ZNF43: variants seen among roughly 807,000 people sequenced by gnomAD.
The protein encoded by ZNF43 is zinc finger protein 39-like 1 (KOX 27).
Under a neutral mutation model 68.4 loss-of-function variants are expected in ZNF43, and 44 were observed. That is an observed-to-expected ratio of 0.64 (90% CI 0.51 to 0.83). ZNF43 has a LOEUF of 0.83. ZNF43 is among the 40% of genes least tolerant of loss of function. The pLI is 0.00. For synonymous variants in ZNF43, 308 were observed against 307.8 expected (o/e 1.00, Z -0.01); for missense variants, 896 against 933.2 (o/e 0.96, Z 0.52).
chr19:21,851,963 G>C, exon 1 of ZNF43: 1 of 1,551,542 alleles, frequency 6.4e-7, no homozygotes, highest in Non-Finnish European at 8.7e-7. Context: ...AGGACTTGCA[G>C]ATCACAGGGT....
At chr19:21,847,278 T>C (rs1318198527) in intron 1 of ZNF43, among the ~76,000 whole-genome samples, 1 of 152,120 alleles carries the variant, frequency 6.6e-6, no homozygotes, top group Non-Finnish European at 1.5e-5. Context: ...GTAGGAGACT[T>C]CCGACCTTTA....
chr19:21,808,768 C>G lies in ZNF43; in HGVS notation c.1269G>C (p.Glu423Asp). ...LTEHKLTHTGEKPYKCEECGK... is the reference protein window; with the variant it reads ...LTEHKLTHTGDKPYKCEECGK... Reference sequence around the variant, plus strand: ...CACATTCTTCACATTTGTAGGGTTTCTCTCCAGTATGAGTTAACTTATGTT... The same window carrying G: ...CACATTCTTCACATTTGTAGGGTTTGTCTCCAGTATGAGTTAACTTATGTT... The change falls in exon 4 of 4, where the codon GAG (glutamate) becomes GAC (aspartate). Residue 423 changes from glutamate to aspartate, a missense_variant. By Grantham distance (45) the Glu-to-Asp change is conservative. Coordinates refer to ENST00000354959, the MANE Select transcript of ZNF43 (RefSeq NM_003423.4). 1.2e-6 allele frequency: 2 copies of G among 1,611,616 alleles called. No individual in the cohort carries two copies. The highest frequency in any genetic ancestry group is 1.7e-6 in the Non-Finnish European group (2 of 1,179,572).
chr19:21,818,908 A>G (rs1040547806), intron 2 of ZNF43, among the ~76,000 whole-genome samples, 187 bp downstream of exon 2: 5 of 152,144 alleles, frequency 3.3e-5, no homozygotes, highest in African/African-American at 9.7e-5. Flanking sequence ...AGAAATGTGG[A>G]AAGTTCAGGT....
intron 1 of ZNF43, among the ~76,000 whole-genome samples, chr19:21,833,334 T>A (rs539493294): frequency 1.3e-5 from 2 of 152,270 alleles, no homozygotes; most frequent in East Asian, 3.9e-4. Context: ...TGGCGCGACC[T>A]CAGCTCACTG....
At chr19:21,819,432 T>A (rs79720979) in intron 1 of ZNF43, among the ~76,000 whole-genome samples, 13,269 of 152,238 alleles carry the variant, frequency 0.087, 645 homozygotes, top group Middle Eastern at 0.15. Context: ...TGATGTAAGA[T>A]CCACAACATC....
chr19:21,846,458 G>A (rs748852958), intron 1 of ZNF43, among the ~76,000 whole-genome samples: 1 of 152,114 alleles, frequency 6.6e-6, no homozygotes, highest in Non-Finnish European at 1.5e-5. Flanking sequence ...CTGACCTATG[G>A]ACAAAGCCCA....
Position 21,806,012 on chromosome 19 carries a change from T to G in ZNF43, c.*1595A>C, listed in dbSNP as rs1444331522. ...TACATTTAATTACATAAAATTACAA[T>G]AAGTAAAATGACTTACTAATTTAAC... On this transcript the variant is annotated 3_prime_UTR_variant, in exon 4 of 4. Coordinates refer to ENST00000354959, the MANE Select transcript of ZNF43 (RefSeq NM_003423.4). 1.3e-5 allele frequency: 2 copies of G among 152,118 alleles called. No homozygotes were observed. Among genetic ancestry groups the G allele is most frequent in the Admixed American group, 6.6e-5 (1 of 15,254 alleles). 9.4% of individuals were successfully genotyped at this position (152,118 alleles called of 1,614,324 possible). A position where few individuals can be genotyped will look rare whatever the true frequency, so the allele number is the denominator to read the frequency against.
chr19:21,847,687 A>G (rs965719004), intron 1 of ZNF43, among the ~76,000 whole-genome samples: 1 of 133,860 alleles, frequency 7.5e-6, no homozygotes, highest in African/African-American at 3.3e-5. Flanking sequence ...ACAGAGTGAG[A>G]CTCCGTCTCC....
At chr19:21,819,043 A>C in intron 2 of ZNF43, 52 bp downstream of exon 2, 1 of 1,567,372 alleles carries the variant, frequency 6.4e-7, no homozygotes, top group South Asian at 1.2e-5. Flanking sequence ...ACAGAAAACA[A>C]AAATGAAATC....
At chr19:21,843,828 C>G (rs574780493) in intron 1 of ZNF43, among the ~76,000 whole-genome samples, 12 of 152,202 alleles carry the variant, frequency 7.9e-5, no homozygotes, top group African/African-American at 2.9e-4. Flanking sequence ...TGAATCTTGA[C>G]CTGAGAGTCA....
At chr19:21,840,532 C>T (rs1383241995), upstream of ZNF43, 1 of 152,208 alleles carries the variant, frequency 6.6e-6, no homozygotes, top group African/African-American at 2.4e-5. Context: ...CACAGCCTCA[C>T]AGGTATGCTG....
upstream of ZNF43, chr19:21,838,777 G>A (rs1238608294): frequency 6.6e-6 from 1 of 152,052 alleles, no homozygotes; most frequent in African/African-American, 2.4e-5. Flanking sequence ...TAATGTTGGA[G>A]GCATTCAAAC....
intron 1 of ZNF43, among the ~76,000 whole-genome samples, chr19:21,849,752 A>T (rs1246649847): frequency 6.6e-6 from 1 of 152,154 alleles, no homozygotes; most frequent in Non-Finnish European, 1.5e-5. Flanking sequence ...CAAAAAAAAA[A>T]AAGTAATTCT....
chr19:21,817,375 AG>A (rs2037579699), intron 3 of ZNF43, among the ~76,000 whole-genome samples: 1 of 152,226 alleles, frequency 6.6e-6, no homozygotes, highest in Non-Finnish European at 1.5e-5. Flanking sequence ...AGCAATCTTG[AG>A]GAAAAAGAAC....
chr19:21,809,414 C>T lies in ZNF43; in HGVS notation c.623G>A (p.Gly208Glu). The change falls in exon 4 of 4, where the codon GGA becomes GAA. Residue 208 changes from glycine (G) to glutamate (E), a missense_variant. Physicochemically the swap from Gly to Glu is moderately conservative, Grantham distance 98. Coordinates refer to ENST00000354959, the MANE Select transcript of ZNF43 (RefSeq NM_003423.4). ...GATTGAAGGGCAGTTAAAAGCTTTTCCACATTTTTCACATTTGCAGAAATT... is the reference window on the plus strand; with the variant it reads ...GATTGAAGGGCAGTTAAAAGCTTTTTCACATTTTTCACATTTGCAGAAATT... ...RVNFCKCEKC[G>E]KAFNCPSIIT... The T allele has an allele frequency of 6.2e-7, 1 of 1,613,566 alleles. No individual in the cohort carries two copies. The highest frequency in any genetic ancestry group is 8.5e-7 in the Non-Finnish European group (1 of 1,179,796).
intron 1 of ZNF43, among the ~76,000 whole-genome samples, chr19:21,827,955 C>A (rs1343566624): frequency 1.3e-5 from 2 of 152,156 alleles, no homozygotes; most frequent in Non-Finnish European, 2.9e-5. Flanking sequence ...GGCACCGTAC[C>A]CAGCCTCTGA....
chr19:21,848,735 A>G (rs932774213), intron 1 of ZNF43, among the ~76,000 whole-genome samples: 3 of 152,192 alleles, frequency 2.0e-5, no homozygotes, highest in Admixed American at 6.5e-5. Flanking sequence ...TTAATCCCGT[A>G]CAGGTCCCAG....
rs150700173 is a variant in ZNF43 at position 21,807,649 on chromosome 19, T to G, written c.2388A>C (p.Thr796=). The change falls in exon 4 of 4, where the codon ACA becomes ACC. Residue 796 remains threonine (T), a synonymous_variant. Coordinates refer to ENST00000354959, the MANE Select transcript of ZNF43 (RefSeq NM_003423.4). ...GEKLYKPEDV[T]VILTTPQTFS... Reference sequence around the variant, plus strand: ...AAGTTTGAGGTGTTGTCAAAATCACTGTCACATCTTCAGGTTTGTAGAGTT... The same window carrying G: ...AAGTTTGAGGTGTTGTCAAAATCACGGTCACATCTTCAGGTTTGTAGAGTT... 42 of 1,569,028 alleles carry G rather than the reference T, an allele frequency of 2.7e-5. No individual in the cohort carries two copies. The highest frequency in any genetic ancestry group is 3.5e-5 in the Non-Finnish European group (41 of 1,160,842).
chr19:21,817,928 C>T lies in ZNF43; in HGVS notation c.189G>A (p.Trp63Ter), dbSNP rs1005065470. ...ITCLEQEKEP[W>*]EPMRRHEMVA... ...CCATTTCATGTCTCCTCATAGGCTCCCAAGGCTCTTTTTCTTGCTCCAGAC... is the reference window on the plus strand; with the variant it reads ...CCATTTCATGTCTCCTCATAGGCTCTCAAGGCTCTTTTTCTTGCTCCAGAC... The change falls in exon 3 of 4, where the codon TGG becomes TGA. Residue 63 changes from tryptophan to a stop codon, truncating the protein, a stop_gained. Coordinates refer to ENST00000354959, the MANE Select transcript of ZNF43 (RefSeq NM_003423.4). LOFTEE classifies it high-confidence loss of function. 1.2e-6 allele frequency: 2 copies of T among 1,613,124 alleles called. No individual in the cohort carries two copies. Among genetic ancestry groups the T allele is most frequent in the Non-Finnish European group, 1.7e-6 (2 of 1,179,452 alleles).
Sources: gnomAD v4.1 joint callset for allele counts (sites outside exome capture counted in the v4.1 genomes callset) on GRCh38, gnomAD v4.1.1 for gene constraint, MANE v1.5 for transcripts, NCBI Gene and HGNC (gene_info 2026-07-23, HGNC 2026-07-21) for gene names.